RP2: variants seen among roughly 807,000 people sequenced by gnomAD.
RP2 encodes the protein protein XRP2.
RP2 carries 3 observed loss-of-function variants against 20.3 expected under a neutral mutation model. The ratio of observed to expected loss-of-function variants is 0.15; its 90% CI spans 0.07 to 0.38. The LOEUF (loss-of-function observed/expected upper bound fraction) is 0.38. Among genes scored for constraint, RP2 ranks in the 10% least tolerant of loss-of-function variants. The probability of loss-of-function intolerance (pLI) is 1.00; values close to 1 mark genes in which losing one functional copy is unlikely to be tolerated. For missense variants in RP2, 233 were observed against 268.5 expected, an observed-to-expected ratio of 0.87 and a Z score of 0.92; for synonymous variants, 75 against 94.8, an observed-to-expected ratio of 0.79 and a Z score of 1.22.
chrX:46,869,360 C>G (rs1167398508), intron 3 of RP2, among the ~76,000 whole-genome samples: 1 of 104,318 alleles, frequency 9.6e-6, no homozygotes, highest in Non-Finnish European at 2.0e-5. Context: ...ACTGCGATGG[C>G]GCGATCTTGG....
chrX:46,843,242 C>T (rs915996373), intron 1 of RP2, among the ~76,000 whole-genome samples: 4 of 110,822 alleles, frequency 3.6e-5, no homozygotes, highest in African/African-American at 1.3e-4. Context: ...CTCCTGACTG[C>T]GTGATCTGCC....
At chrX:46,841,005 T>C (rs782494299) in intron 1 of RP2, among the ~76,000 whole-genome samples, 10 of 112,501 alleles carry the variant, frequency 8.9e-5, no homozygotes, top group Non-Finnish European at 1.5e-4. Flanking sequence ...AGCTATATAG[T>C]AGGACAATGC....
At chrX:46,849,619 T>C (rs181597523) in intron 1 of RP2, among the ~76,000 whole-genome samples, 1,848 of 111,874 alleles carry the variant, frequency 0.017, 11 homozygotes, top group Non-Finnish European at 0.027. Flanking sequence ...CTTAAATTTC[T>C]CCTTGGAAGG....
intron 2 of RP2, among the ~76,000 whole-genome samples, chrX:46,856,012 T>C: frequency 8.9e-6 from 1 of 111,856 alleles, no homozygotes; most frequent in East Asian, 2.8e-4. Context: ...TATGCCTATG[T>C]GATAAAAACA....
rs1924520196 is a variant in RP2 at position 46,837,119 on chromosome X, A to C, written c.19A>C (p.Lys7Gln). ...TGGGACCATGGGCTGCTTCTTCTCC[A>C]AGAGACGGAAGGCTGACAAGGAGTC... MGCFFS[K>Q]RRKADKESRP... Residue 7 changes from lysine to glutamine, a missense_variant, in exon 1 of 5, where the codon AAG becomes CAG. This residue lies in a region of RP2 where 77 missense variants were observed against 71.8 expected (regional missense o/e 1.07). Coordinates refer to ENST00000218340, the MANE Select transcript of RP2 (RefSeq NM_006915.3). 6.8e-6 allele frequency: 8 copies of C among 1,168,915 alleles called. No individual in the cohort carries two copies. The highest frequency in any genetic ancestry group is 9.2e-6 in the Non-Finnish European group (8 of 873,610).
At chrX:46,848,676 G>A (rs1160364439) in intron 1 of RP2, among the ~76,000 whole-genome samples, 6 of 108,807 alleles carry the variant, frequency 5.5e-5, no homozygotes, top group African/African-American at 2.0e-4. Context: ...GAGCCACCAC[G>A]CCTGGCCACT....
chrX:46,872,740 TTGTG>T (rs1925314041), intron 3 of RP2, among the ~76,000 whole-genome samples: 1 of 111,596 alleles, frequency 9.0e-6, no homozygotes, highest in African/African-American at 3.3e-5. Flanking sequence ...GTTTGTTTGT[TTGTG>T]TGTTTGTTTT....
chrX:46,842,166 C>T (rs1352760211), intron 1 of RP2, among the ~76,000 whole-genome samples: 2 of 111,975 alleles, frequency 1.8e-5, no homozygotes, highest in African/African-American at 3.2e-5. Context: ...CTGCCTGCCT[C>T]GACCTCTCAA....
chrX:46,879,641 A>C, intron 4 of RP2, 45 bp from the exon 5 acceptor site: 1 of 878,130 alleles, frequency 1.1e-6, no homozygotes, highest in East Asian at 3.3e-5. Context: ...GGCATTCTGA[A>C]GTACTTGGTA....
intron 1 of RP2, among the ~76,000 whole-genome samples, chrX:46,845,789 G>T (rs1924706339): frequency 9.1e-6 from 1 of 110,055 alleles, no homozygotes; most frequent in Non-Finnish European, 1.9e-5. Context: ...TTTGAGATGG[G>T]GTCTCACTGT....
At chrX:46,867,912 A>G (rs781785114) in intron 3 of RP2, among the ~76,000 whole-genome samples, 23 of 112,333 alleles carry the variant, frequency 2.0e-4, no homozygotes, top group Admixed American at 1.4e-3. Flanking sequence ...TTGATGGGCA[A>G]TTAGGCCGAT....
In RP2 at chrX:46,877,489, T is replaced by G; in HGVS notation, c.884-16T>G. On this transcript the variant is annotated splice_polypyrimidine_tract_variant and intron_variant, in intron 3 of 4. Transcript: ENST00000218340. ...TGTATTTGTGTTAAGAAAATGTTTC[T>G]TGGGTTTGCTTATAGGTCCTGTTAT... 4 of 1,126,006 alleles carry G rather than the reference T, an allele frequency of 3.6e-6. No homozygotes were observed. The highest frequency in any genetic ancestry group is 4.9e-6 in the Non-Finnish European group (4 of 817,440). The allele number at this position is 1,126,006 out of a possible 1,213,427, so 92.8% of individuals were successfully genotyped here. A position where few individuals can be genotyped will look rare whatever the true frequency, so the allele number is the denominator to read the frequency against.
At chrX:46,854,677 A>G (rs782415885) in intron 2 of RP2, among the ~76,000 whole-genome samples, 118 of 111,551 alleles carry the variant, frequency 1.1e-3, no homozygotes, top group Non-Finnish European at 1.8e-3. Context: ...GAAGCTCACA[A>G]AAGTAGTACT....
At chrX:46,862,686 A>G (rs1200945762) in intron 3 of RP2, among the ~76,000 whole-genome samples, 1 of 111,664 alleles carries the variant, frequency 9.0e-6, no homozygotes, top group Non-Finnish European at 1.9e-5. Flanking sequence ...AAACAAACAA[A>G]AAAACCCAAC....
At chrX:46,851,566 G>A (rs1569531556) in intron 1 of RP2, among the ~76,000 whole-genome samples, 1 of 109,084 alleles carries the variant, frequency 9.2e-6, no homozygotes. Context: ...AACCCGGGAG[G>A]TGGAGGTTGC....
At chrX:46,841,347 C>T (rs1474078187) in intron 1 of RP2, among the ~76,000 whole-genome samples, 1 of 112,057 alleles carries the variant, frequency 8.9e-6, no homozygotes, top group Non-Finnish European at 1.9e-5. Context: ...TGCTGTGTAC[C>T]AAACCACCCT....
intron 1 of RP2, among the ~76,000 whole-genome samples, chrX:46,839,122 CA>C (rs1389496030): frequency 1.8e-5 from 2 of 112,389 alleles, no homozygotes; most frequent in Non-Finnish European, 3.8e-5. Context: ...TACCAGCTTA[CA>C]TTTTGAGACA....
intron 1 of RP2, among the ~76,000 whole-genome samples, chrX:46,843,971 G>T (rs1437722230): frequency 1.8e-5 from 2 of 111,048 alleles, no homozygotes; most frequent in African/African-American, 6.5e-5. Flanking sequence ...ACTGCACCCA[G>T]CCTCAGAAAT....
chrX:46,872,979 T>C, intron 3 of RP2, among the ~76,000 whole-genome samples: 1 of 111,633 alleles, frequency 9.0e-6, no homozygotes, highest in Middle Eastern at 4.6e-3. Context: ...GCTAAAGCGA[T>C]CTGCCTGCCT....
Sources: allele counts gnomAD v4.1 joint callset (sites outside exome capture counted in the v4.1 genomes callset), GRCh38; gene constraint gnomAD v4.1.1; regional missense constraint gnomAD v4.1.1; transcripts MANE v1.5; gene names NCBI Gene and HGNC (gene_info 2026-07-23, HGNC 2026-07-21).